Variants in MTAP observed in about 807,000 individuals in gnomAD.
MTAP encodes methylthioadenosine phosphorylase.
MTAP carries 33 observed loss-of-function variants against 33.6 expected under a neutral mutation model. The ratio of observed to expected loss-of-function variants is 0.98; its 90% CI spans 0.74 to 1.31. The LOEUF is 1.31. MTAP is among the 40% of genes most tolerant of loss of function. The pLI is 0.00. For synonymous variants in MTAP, 148 were observed against 125.7 expected, an observed-to-expected ratio of 1.18 and a Z score of -1.19; for missense variants, 367 against 360.0, an observed-to-expected ratio of 1.02 and a Z score of -0.16.
chr9:21,898,564 T>C (rs1818336608), intron 1 of MTAP, among the ~76,000 whole-genome samples: 1 of 152,170 alleles, frequency 6.6e-6, no homozygotes, highest in Non-Finnish European at 1.5e-5. Flanking sequence ...CATCAAAAAT[T>C]GGGCAAAGGA....
chr9:21,871,646 A>G (rs139997154), downstream of MTAP, among the ~76,000 whole-genome samples: 1,141 of 152,312 alleles, frequency 7.5e-3, 14 homozygotes, highest in African/African-American at 0.025. Context: ...TAAATCTATG[A>G]AATTTATGCC....
intron 5 of MTAP, among the ~76,000 whole-genome samples, chr9:21,839,199 C>A (rs962375285): frequency 7.1e-6 from 1 of 141,054 alleles, no homozygotes; most frequent in African/African-American, 2.8e-5. Flanking sequence ...AAAAAAGTGG[C>A]AGGCGAAGTT....
intron 4 of MTAP, among the ~76,000 whole-genome samples, chr9:21,829,916 T>C (rs1004042637): frequency 9.2e-5 from 14 of 152,178 alleles, no homozygotes; most frequent in Admixed American, 5.9e-4. Context: ...GTCATTCTTA[T>C]CTGAAAATCT....
At chr9:21,881,200 A>G (rs1444872637) in intron 1 of MTAP, among the ~76,000 whole-genome samples, 3 of 152,112 alleles carry the variant, frequency 2.0e-5, no homozygotes, top group African/African-American at 7.2e-5. Context: ...AAAACTGGAT[A>G]TGCAAATGCA....
intron 1 of MTAP, among the ~76,000 whole-genome samples, chr9:21,885,562 T>G (rs1818094807): frequency 6.6e-6 from 1 of 152,100 alleles, no homozygotes; most frequent in Admixed American, 6.6e-5. Flanking sequence ...TAGTCTTTTA[T>G]CCCTCACCCA....
intron 1 of MTAP, among the ~76,000 whole-genome samples, chr9:21,812,677 T>C (rs1342996293): frequency 6.6e-6 from 1 of 152,236 alleles, no homozygotes; most frequent in Non-Finnish European, 1.5e-5. Context: ...CTCAGATACC[T>C]GGAGTCACTG....
intron 4 of MTAP, among the ~76,000 whole-genome samples, chr9:21,821,759 C>T (rs1563833901): frequency 6.6e-6 from 1 of 152,042 alleles, no homozygotes; most frequent in Non-Finnish European, 1.5e-5. Flanking sequence ...TGGTCCTGGA[C>T]TTTTTTTGGT....
intron 1 of MTAP, among the ~76,000 whole-genome samples, chr9:21,905,916 A>G (rs1438313891): frequency 6.6e-6 from 1 of 152,208 alleles, no homozygotes; most frequent in Non-Finnish European, 1.5e-5. Context: ...GGGTGGGGAG[A>G]AATATTTTGT....
downstream of MTAP, among the ~76,000 whole-genome samples, chr9:21,940,014 C>T (rs1819109993): frequency 6.6e-6 from 1 of 152,224 alleles, no homozygotes; most frequent in East Asian, 1.9e-4. Context: ...GGTGTGGTGG[C>T]TCACGCCTGT....
chr9:21,822,108 G>T (rs1563834053), intron 4 of MTAP, among the ~76,000 whole-genome samples: 2 of 152,110 alleles, frequency 1.3e-5, no homozygotes, highest in East Asian at 1.9e-4. Flanking sequence ...TTTTTGATGG[G>T]TTTTTTGTGT....
chr9:21,831,001 C>G (rs1824952883), intron 4 of MTAP, among the ~76,000 whole-genome samples: 1 of 152,176 alleles, frequency 6.6e-6, no homozygotes, highest in East Asian at 1.9e-4. Flanking sequence ...TCCCTGCCAG[C>G]TGCTTTATTC....
At chr9:21,811,722 C>A in intron 1 of MTAP, 1 of 531,960 alleles carries the variant, frequency 1.9e-6, no homozygotes, top group Non-Finnish European at 3.8e-6. Context: ...TTGCTTTCAG[C>A]CTCGGTGAAT....
downstream of MTAP, among the ~76,000 whole-genome samples, chr9:21,871,704 C>T (rs544705085): frequency 1.3e-5 from 2 of 152,284 alleles, no homozygotes; most frequent in African/African-American, 2.4e-5. Context: ...ATCCCTTCTT[C>T]CCAGGATTCT....
chr9:21,886,127 T>A (rs1054898361), intron 1 of MTAP, among the ~76,000 whole-genome samples: 9 of 152,164 alleles, frequency 5.9e-5, no homozygotes, highest in African/African-American at 2.2e-4. Context: ...ACATCTTTTT[T>A]TTTTTTTTAA....
intron 4 of MTAP, among the ~76,000 whole-genome samples, chr9:21,834,552 C>A (rs562027784): frequency 2.6e-5 from 4 of 152,330 alleles, no homozygotes; most frequent in African/African-American, 9.6e-5. Flanking sequence ...ATCCCTTTCC[C>A]TGCCTTTGCC....
intron 4 of MTAP, among the ~76,000 whole-genome samples, chr9:21,833,411 C>G (rs554557326): frequency 6.6e-6 from 1 of 152,154 alleles, no homozygotes; most frequent in Non-Finnish European, 1.5e-5. Flanking sequence ...TCTTGAACAT[C>G]TAAACTCAAG....
Position 21,864,616 on chromosome 9 carries a change from C to T in MTAP, c.*2602C>T, listed in dbSNP as rs2118601932. On this transcript the variant is annotated 3_prime_UTR_variant, in exon 8 of 8. Transcript: ENST00000644715. ...AGGGTCATGGTCCTTGTGACCTGGCCCCTGTTCACTGCCCCCTTCGCTAGC... is the reference window on the plus strand; with the variant it reads ...AGGGTCATGGTCCTTGTGACCTGGCTCCTGTTCACTGCCCCCTTCGCTAGC... The T allele has an allele frequency of 1.0e-6, 1 of 985,478 alleles. No homozygotes were observed. Among genetic ancestry groups the T allele is most frequent in the South Asian group, 4.7e-5 (1 of 21,288 alleles). 61.0% of individuals were successfully genotyped at this position (985,478 alleles called of 1,614,324 possible).
intron 1 of MTAP, among the ~76,000 whole-genome samples, chr9:21,912,821 T>G (rs1466795748): frequency 6.6e-5 from 10 of 152,156 alleles, no homozygotes; most frequent in Non-Finnish European, 1.5e-4. Context: ...GGTATTCACT[T>G]AGGAAAAGAA....
Position 21,865,643 on chromosome 9 carries a change from A to C in MTAP, c.*3629A>C. On this transcript the variant is annotated 3_prime_UTR_variant, in exon 8 of 8. Transcript: ENST00000644715. Reference sequence around the variant, plus strand: ...ATGAAGACCATGGAAGAAAAGAAGGAATGCCAAAGATCGAGGAAATCTACC... The same window carrying C: ...ATGAAGACCATGGAAGAAAAGAAGGCATGCCAAAGATCGAGGAAATCTACC... 1 of 993,486 alleles carries C rather than the reference A, an allele frequency of 1.0e-6. No individual in the cohort carries two copies. The highest frequency in any genetic ancestry group is 1.2e-6 in the Non-Finnish European group (1 of 833,996). The allele number at this position is 993,486 out of a possible 1,614,324, so 61.5% of individuals were successfully genotyped here.
Sources: allele counts gnomAD v4.1 joint callset (sites outside exome capture counted in the v4.1 genomes callset), GRCh38; gene constraint gnomAD v4.1.1; transcripts MANE v1.5; gene names NCBI Gene and HGNC (gene_info 2026-07-23, HGNC 2026-07-21).